Variants in MMRN1 observed in about 807,000 individuals in gnomAD.
MMRN1 encodes multimerin-1.
MMRN1 carries 94 observed loss-of-function variants against 100.7 expected under a neutral mutation model. The observed-to-expected ratio is 0.93, with a 90% CI of 0.79 to 1.11. MMRN1 has a LOEUF of 1.11. Among genes scored for constraint, MMRN1 ranks in the 50% least tolerant of loss-of-function variants. The pLI is 0.00. For synonymous variants in MMRN1, 575 were observed against 505.0 expected, an observed-to-expected ratio of 1.14 and a Z score of -1.86; for missense variants, 1,606 against 1,439.1, an observed-to-expected ratio of 1.12 and a Z score of -1.88.
In MMRN1 at chr4:89,909,405, A is replaced by T. The variant is rs1490391446; in HGVS notation, c.743+10A>T. On this transcript the variant is annotated intron_variant, in intron 2 of 7. Transcript: ENST00000264790. ...GATCCTGTCCTCAGAGGTATGTAAT[A>T]TTTCTTGAAAATAGCCACTGTTTTT... The T allele has an allele frequency of 3.7e-6, 6 of 1,607,566 alleles. No individual in the cohort carries two copies. Among genetic ancestry groups the T allele is most frequent in the Non-Finnish European group, 5.1e-6 (6 of 1,176,582 alleles).
chr4:89,936,680 T>C lies in MMRN1; in HGVS notation c.3000T>C (p.Ser1000=). Residue 1000 remains serine (S), a synonymous_variant, in exon 6 of 8, where the codon TCT becomes TCC. Coordinates refer to ENST00000264790, the MANE Select transcript of MMRN1 (RefSeq NM_007351.3). ...LPGSLANVVK[S]QKQVKSLPKK... ...GTAGTCTGGCAAATGTTGTCAAGTC[T>C]CAGAAGCAAGTAAAATCATTGCCAA... The C allele has an allele frequency of 6.2e-7, 1 of 1,613,512 alleles. No homozygotes were observed. Among genetic ancestry groups the C allele is most frequent in the Non-Finnish European group, 8.5e-7 (1 of 1,179,638 alleles).
intron 3 of MMRN1, among the ~76,000 whole-genome samples, chr4:89,922,924 G>A (rs951837611): frequency 6.6e-6 from 1 of 151,734 alleles, no homozygotes; most frequent in Non-Finnish European, 1.5e-5. Flanking sequence ...CCTTTTCACG[G>A]AAAGGAGGCC....
chr4:89,916,233 C>T (rs1345040045), intron 3 of MMRN1, among the ~76,000 whole-genome samples: 3 of 151,492 alleles, frequency 2.0e-5, no homozygotes, highest in Non-Finnish European at 4.4e-5. Flanking sequence ...TTTCAACAGC[C>T]TTGGCAGGGA....
rs1454486451 is a variant in MMRN1 at position 89,951,655 on chromosome 4, A to G, written c.3169A>G (p.Ile1057Val). The change falls in exon 7 of 8, where the codon ATA becomes GTA. Residue 1057 changes from isoleucine (I) to valine (V), a missense_variant. Physicochemically the swap from Ile to Val is conservative, Grantham distance 29. Coordinates refer to ENST00000264790, the MANE Select transcript of MMRN1 (RefSeq NM_007351.3). ...TCCGTGCCAAAATGGGGGCACGTGC[A>G]TAAATGGAAGAACTAGCTTTACCTG... ...RHPCQNGGTC[I>V]NGRTSFTCAC... The G allele has an allele frequency of 6.4e-7, 1 of 1,574,574 alleles. No homozygotes were observed. Among genetic ancestry groups the G allele is most frequent in the Non-Finnish European group, 8.6e-7 (1 of 1,165,924 alleles).
At chr4:89,883,159 A>G (rs1720857811) in intron 1 of MMRN1, among the ~76,000 whole-genome samples, 1 of 152,030 alleles carries the variant, frequency 6.6e-6, no homozygotes, top group African/African-American at 2.4e-5. Context: ...CCTTGTTTAT[A>G]TCTTCTTCTC....
chr4:89,922,946 A>AT (rs143149681), intron 3 of MMRN1, among the ~76,000 whole-genome samples: 36 of 147,552 alleles, frequency 2.4e-4, no homozygotes, highest in African/African-American at 6.6e-4. Flanking sequence ...GAATAATTTT[A>AT]TTTTTTTTTC....
intron 3 of MMRN1, among the ~76,000 whole-genome samples, chr4:89,914,627 A>G (rs1268040773): frequency 2.0e-5 from 3 of 151,514 alleles, no homozygotes; most frequent in African/African-American, 7.3e-5. Flanking sequence ...AAACATATAT[A>G]TTTGTACATA....
intron 1 of MMRN1, among the ~76,000 whole-genome samples, chr4:89,898,532 G>A (rs1333668458): frequency 6.6e-6 from 1 of 151,700 alleles, no homozygotes; most frequent in African/African-American, 2.4e-5. Flanking sequence ...CAGGCTATTG[G>A]TTGCCTCCAG....
chr4:89,923,746 G>A (rs1377465474), intron 4 of MMRN1, among the ~76,000 whole-genome samples: 2 of 152,160 alleles, frequency 1.3e-5, no homozygotes, highest in Non-Finnish European at 2.9e-5. Context: ...ATCCAAAGTT[G>A]GCATGTCACA....
At chr4:89,881,650 C>A (rs1236938611) in intron 1 of MMRN1, among the ~76,000 whole-genome samples, 6 of 151,518 alleles carry the variant, frequency 4.0e-5, no homozygotes, top group Non-Finnish European at 7.4e-5. Context: ...TGGAAGAAGT[C>A]TTTTCTAGTC....
chr4:89,912,026 A>G lies in MMRN1; in HGVS notation c.826A>G (p.Ser276Gly). The change falls in exon 3 of 8, where the codon AGT becomes GGT. Residue 276 changes from serine to glycine, a missense_variant. By Grantham distance (56) the Ser-to-Gly change is moderately conservative (BLOSUM62 0). Coordinates refer to ENST00000264790, the MANE Select transcript of MMRN1 (RefSeq NM_007351.3). Reference protein sequence around the residue: ...SLDWRCCPGYSGPKCQLRAQE... With the variant: ...SLDWRCCPGYGGPKCQLRAQE... ...GGATTGGAGGTGCTGTCCTGGATAC[A>G]GTGGGCCGAAATGTCAACTAAGAGG... is the stretch of plus-strand genomic sequence containing the variant. 2.5e-6 allele frequency: 4 copies of G among 1,599,970 alleles called. No individual in the cohort carries two copies. The highest frequency in any genetic ancestry group is 3.4e-6 in the Non-Finnish European group (4 of 1,171,830).
At chr4:89,923,392 C>T (rs983240667) in intron 4 of MMRN1, 120 bp downstream of exon 4, 48 of 902,162 alleles carry the variant, frequency 5.3e-5, no homozygotes, top group Non-Finnish European at 8.3e-5. Context: ...TAGCATACTT[C>T]TCAGTCCTTT....
chr4:89,953,181 C>T lies in MMRN1; in HGVS notation c.3450C>T (p.Thr1150=), dbSNP rs1723237906. The part of the protein sequence containing the change: ...PYLGVYVFKY[T]IESFSAHISG... ...TTGGAGTATATGTTTTCAAGTACAC[C>T]ATCGAGTCATTTAGTGCTCATATTT... The change falls in exon 8 of 8, where the codon ACC becomes ACT. Residue 1150 remains threonine (T), a synonymous_variant. Coordinates refer to ENST00000264790, the MANE Select transcript of MMRN1 (RefSeq NM_007351.3). 2 of 1,613,626 alleles carry T rather than the reference C, an allele frequency of 1.2e-6. No homozygotes were observed.
intron 1 of MMRN1, among the ~76,000 whole-genome samples, chr4:89,907,948 G>T (rs1721623059): frequency 6.6e-6 from 1 of 150,474 alleles, no homozygotes; most frequent in Admixed American, 6.7e-5. Flanking sequence ...TATGTTATTA[G>T]TGTCTGGATT....
chr4:89,947,939 G>T (rs545961555), intron 6 of MMRN1, among the ~76,000 whole-genome samples: 4 of 152,046 alleles, frequency 2.6e-5, no homozygotes, highest in African/African-American at 9.7e-5. Context: ...TGCAACCTCC[G>T]CCTCCTGGGT....
In MMRN1 at chr4:89,935,524, A is replaced by G. The variant is rs368170542; in HGVS notation, c.1844A>G (p.His615Arg). Residue 615 changes from histidine to arginine, a missense_variant, in exon 6 of 8, where the codon CAT (histidine) becomes CGT (arginine). His to Arg is a conservative substitution (Grantham distance 29). Transcript: ENST00000264790. ...CTTAAGGACACAGAAGAGAATTTAC[A>G]TGTGTTAAATCAAACATTGGCTGAA... ...FQLKDTEENL[H>R]VLNQTLAEVL... The G allele has an allele frequency of 6.8e-6, 11 of 1,613,268 alleles. No individual in the cohort carries two copies. The highest frequency in any genetic ancestry group is 2.2e-5 in the East Asian group (1 of 44,840).
Position 89,936,088 on chromosome 4 carries a change from C to G in MMRN1, c.2408C>G (p.Ala803Gly). 2 of 1,612,248 alleles carry G rather than the reference C, an allele frequency of 1.2e-6. No homozygotes were observed. Among genetic ancestry groups the G allele is most frequent in the Non-Finnish European group, 8.5e-7 (1 of 1,179,402 alleles). The change falls in exon 6 of 8, where the codon GCC becomes GGC. Residue 803 changes from alanine (A) to glycine (G), a missense_variant. Transcript: ENST00000264790. ...AGATATAACTTTGTTTTGCAAGTCG[C>G]CAAGACCCTTGCAGGTATTCCCAGA... is the stretch of plus-strand genomic sequence containing the variant. ...NQRYNFVLQVAKTLAGIPRDE... is the reference protein window; with the variant it reads ...NQRYNFVLQVGKTLAGIPRDE...
chr4:89,906,655 T>C (rs1005761817), intron 1 of MMRN1, among the ~76,000 whole-genome samples: 1 of 151,594 alleles, frequency 6.6e-6, no homozygotes, highest in Non-Finnish European at 1.5e-5. Flanking sequence ...TTTTCTATTT[T>C]TAAACCTACA....
At position 89,954,428 on chromosome 4, in the gene MMRN1, T is replaced by C. The variant is rs1359813151; in HGVS notation, c.*1010T>C. 3 of 152,274 alleles carry C rather than the reference T, an allele frequency of 2.0e-5. No homozygotes were observed. In the East Asian group the frequency reaches 5.8e-4, roughly 29 times the overall value. 9.4% of individuals were successfully genotyped at this position (152,274 alleles called of 1,614,324 possible). ...AGCCCACATCCATCCTTTCTCTATA[T>C]TGCCTCCCACAGATGTGCTAAAATT... On this transcript the variant is annotated 3_prime_UTR_variant, in exon 8 of 8. Transcript: ENST00000264790.
Sources: allele counts gnomAD v4.1 joint callset (sites outside exome capture counted in the v4.1 genomes callset), GRCh38; gene constraint gnomAD v4.1.1; transcripts MANE v1.5; gene names NCBI Gene and HGNC (gene_info 2026-07-23, HGNC 2026-07-21).